The following KDM4C variants were observed in gnomAD, a reference collection of about 807,000 sequenced individuals.
The protein encoded by KDM4C is lysine demethylase 4C, also known as lysine-specific demethylase 4C.
KDM4C carries 81 observed loss-of-function variants against 129.3 expected under a neutral mutation model. The observed-to-expected ratio is 0.63, with a 90% CI of 0.52 to 0.75. The LOEUF is 0.75. Among genes scored for constraint, KDM4C ranks in the 30% least tolerant of loss-of-function variants. KDM4C has a pLI of 0.00. For synonymous variants in KDM4C, 573 were observed against 456.1 expected (o/e 1.26, Z -3.26); for missense variants, 1,457 against 1,304.0 (o/e 1.12, Z -1.81).
intron 6 of KDM4C, among the ~76,000 whole-genome samples, chr9:6,883,331 TA>T (rs1269696548): frequency 1.3e-5 from 2 of 152,132 alleles, no homozygotes; most frequent in East Asian, 3.9e-4. Context: ...CTGTAAGCCA[TA>T]AAAAATGCAA....
chr9:6,995,450 A>G (rs543340050), intron 12 of KDM4C, among the ~76,000 whole-genome samples: 120 of 152,326 alleles, frequency 7.9e-4, no homozygotes, highest in Middle Eastern at 3.4e-3. Flanking sequence ...ATAAAAGGGA[A>G]TTGTTCAAGG....
chr9:6,767,372 A>G (rs530860133), intron 1 of KDM4C, among the ~76,000 whole-genome samples: 10 of 151,078 alleles, frequency 6.6e-5, no homozygotes, highest in African/African-American at 2.2e-4. Flanking sequence ...CGAACTCCTG[A>G]CCTTGTGATC....
chr9:7,114,598 A>G (rs1346926633), intron 18 of KDM4C, among the ~76,000 whole-genome samples: 4 of 152,164 alleles, frequency 2.6e-5, no homozygotes, highest in Non-Finnish European at 5.9e-5. Context: ...AAAACTGCAA[A>G]TTGACCCTGA....
At chr9:7,132,743 T>A (rs1840780020) in intron 19 of KDM4C, among the ~76,000 whole-genome samples, 1 of 152,206 alleles carries the variant, frequency 6.6e-6, no homozygotes. Context: ...TGGGATCCTC[T>A]AGCATGCACC....
At chr9:6,977,144 G>A (rs888738392) in intron 8 of KDM4C, among the ~76,000 whole-genome samples, 1 of 152,092 alleles carries the variant, frequency 6.6e-6, no homozygotes, top group Non-Finnish European at 1.5e-5. Context: ...CATGTGCCTC[G>A]TGTCATTTGG....
chr9:6,976,862 TG>T (rs1833011261), intron 8 of KDM4C, among the ~76,000 whole-genome samples: 1 of 152,182 alleles, frequency 6.6e-6, no homozygotes, highest in South Asian at 2.1e-4. Flanking sequence ...AATACATTTT[TG>T]GTGGCTACTG....
chr9:6,905,263 G>T (rs964352859), intron 8 of KDM4C, among the ~76,000 whole-genome samples: 1 of 152,178 alleles, frequency 6.6e-6, no homozygotes, highest in Non-Finnish European at 1.5e-5. Context: ...GCAGGAGATT[G>T]AGGGATAGAT....
chr9:6,995,825 C>A (rs1475012246), intron 12 of KDM4C, among the ~76,000 whole-genome samples: 1 of 152,086 alleles, frequency 6.6e-6, no homozygotes, highest in East Asian at 1.9e-4. Context: ...GCGCCTGCCA[C>A]CACGCCCGGC....
At chr9:7,112,012 G>C (rs959349184) in intron 18 of KDM4C, among the ~76,000 whole-genome samples, 1 of 151,980 alleles carries the variant, frequency 6.6e-6, no homozygotes, top group East Asian at 1.9e-4. Flanking sequence ...TTCACCCCTT[G>C]GTGGGGTGCA....
At chr9:6,777,637 A>G (rs1276100834) in intron 1 of KDM4C, among the ~76,000 whole-genome samples, 1 of 152,056 alleles carries the variant, frequency 6.6e-6, no homozygotes, top group Non-Finnish European at 1.5e-5. Context: ...CTTGAAGTTA[A>G]AATTTTTTTT....
At chr9:6,832,358 A>G (rs112810375) in intron 4 of KDM4C, among the ~76,000 whole-genome samples, 2 of 150,600 alleles carry the variant, frequency 1.3e-5, no homozygotes, top group African/African-American at 4.9e-5. Flanking sequence ...AAAAAGTTGA[A>G]TTTGTCAAGG....
intron 17 of KDM4C, among the ~76,000 whole-genome samples, chr9:7,084,743 A>G (rs754184209): frequency 2.2e-4 from 33 of 152,340 alleles, no homozygotes; most frequent in Middle Eastern, 6.8e-3. Context: ...TCAAAGCAAT[A>G]TCTGACATGT....
intron 3 of KDM4C, among the ~76,000 whole-genome samples, chr9:6,814,310 A>T (rs1018043013): frequency 2.0e-5 from 3 of 152,086 alleles, no homozygotes; most frequent in Non-Finnish European, 2.9e-5. Flanking sequence ...AAAATTTCTT[A>T]GCATAGTATA....
intron 15 of KDM4C, among the ~76,000 whole-genome samples, chr9:7,016,159 T>G (rs945588375): frequency 4.0e-5 from 6 of 151,518 alleles, no homozygotes; most frequent in South Asian, 2.1e-4. Context: ...ACGGAGTCTC[T>G]CTCTGTCGCC....
At chr9:6,929,165 C>G (rs925873848) in intron 8 of KDM4C, among the ~76,000 whole-genome samples, 1 of 152,168 alleles carries the variant, frequency 6.6e-6, no homozygotes, top group Non-Finnish European at 1.5e-5. Context: ...TCTTAGTTAT[C>G]TTTACCTTAA....
rs1192665250 is a variant in KDM4C at position 6,855,988 on chromosome 9, G to T, written c.629+6288G>T. ...ACTCCTGGGTTCAAGTGGTCCTATT[G>T]TGTCTGCCTCCCAAAGTGCTGGGAT... On this transcript the variant is annotated intron_variant, in intron 5 of 21. Transcript: ENST00000381309. Among the ~76,000 whole-genome samples, 8 of 152,202 alleles carry T rather than the reference G, an allele frequency of 5.3e-5. No individual in the cohort carries two copies. In the East Asian group the frequency reaches 9.6e-4, roughly 18 times the overall value.
chr9:7,052,378 ATATT>A (rs1188290673), intron 17 of KDM4C, among the ~76,000 whole-genome samples: 1 of 152,218 alleles, frequency 6.6e-6, no homozygotes, highest in Non-Finnish European at 1.5e-5. Context: ...CACTGAGTAA[ATATT>A]TATGAAATGA....
chr9:7,009,835 A>G (rs1822363000), intron 12 of KDM4C, among the ~76,000 whole-genome samples: 1 of 152,194 alleles, frequency 6.6e-6, no homozygotes. Flanking sequence ...CTCTACTTAC[A>G]TGCAATTTTT....
intron 8 of KDM4C, among the ~76,000 whole-genome samples, chr9:6,969,576 C>T (rs1831587946): frequency 6.6e-6 from 1 of 152,210 alleles, no homozygotes; most frequent in Non-Finnish European, 1.5e-5. Flanking sequence ...ACATCCGTGC[C>T]TGGATCACAT....
Sources: allele counts gnomAD v4.1 joint callset (sites outside exome capture counted in the v4.1 genomes callset), GRCh38; gene constraint gnomAD v4.1.1; transcripts MANE v1.5; gene names NCBI Gene and HGNC (gene_info 2026-07-23, HGNC 2026-07-21).